BCLAF3: variants seen among roughly 807,000 people sequenced by gnomAD.
The protein encoded by BCLAF3 is BCLAF1 and THRAP3 family member 3, also known as transient octamer binding factor 1.
In BCLAF3, 24 loss-of-function variants were observed where a neutral mutation model predicts 51.2. That is an observed-to-expected ratio of 0.47 (90% CI 0.34 to 0.66). The LOEUF is 0.66. BCLAF3 is among the 30% of genes least tolerant of loss of function. The probability of loss-of-function intolerance (pLI) is 0.01; values close to 1 mark genes in which losing one functional copy is unlikely to be tolerated. For missense variants in BCLAF3, 465 were observed against 525.1 expected, an observed-to-expected ratio of 0.89 and a Z score of 1.12; for synonymous variants, 152 against 176.6, an observed-to-expected ratio of 0.86 and a Z score of 1.10.
intron 11 of BCLAF3, among the ~76,000 whole-genome samples, chrX:19,927,871 C>CTCTT (rs907635262): frequency 9.4e-6 from 1 of 106,190 alleles, no homozygotes; most frequent in Admixed American, 1.0e-4. Context: ...GCTGCATTTT[C>CTCTT]TCTTTCTTTC....
intron 8 of BCLAF3, among the ~76,000 whole-genome samples, chrX:19,940,411 A>C (rs1397879194): frequency 9.1e-6 from 1 of 110,366 alleles, no homozygotes; most frequent in Non-Finnish European, 1.9e-5. Context: ...ATATCTCCCA[A>C]TGCTATCCCT....
intron 1 of BCLAF3, among the ~76,000 whole-genome samples, chrX:19,983,915 A>T (rs764551416): frequency 1.2e-4 from 12 of 101,729 alleles, no homozygotes; most frequent in Non-Finnish European, 4.0e-5. Flanking sequence ...CTAAAAATAT[A>T]AAAAAATGTA....
Position 19,965,585 on chromosome X carries a change from G to A in BCLAF3, c.733C>T (p.Pro245Ser). ...TGGTCTGTGTCCTCTTGGTAAGGTGGGAGGGAATGCTCAGGCTTCCACTTT... is the reference window on the plus strand; with the variant it reads ...TGGTCTGTGTCCTCTTGGTAAGGTGAGAGGGAATGCTCAGGCTTCCACTTT... ...NPKWKPEHSL[P>S]PYQEDTDQWN... The change falls in exon 4 of 12, where the codon CCA (proline) becomes TCA (serine). Residue 245 changes from proline to serine, a missense_variant. Pro to Ser is a moderately conservative substitution (Grantham distance 74). Coordinates refer to ENST00000379682, the MANE Select transcript of BCLAF3 (RefSeq NM_001367774.2). The A allele has an allele frequency of 8.4e-7, 1 of 1,191,580 alleles. No individual in the cohort carries two copies. Among genetic ancestry groups the A allele is most frequent in the Non-Finnish European group, 1.1e-6 (1 of 886,974 alleles).
chrX:19,926,041 A>C (rs1324904310), intron 11 of BCLAF3, among the ~76,000 whole-genome samples: 1 of 111,821 alleles, frequency 8.9e-6, no homozygotes, highest in Non-Finnish European at 1.9e-5. Context: ...AATCTATAAA[A>C]ATTGTGGCTC....
At chrX:19,944,158 C>T (rs1289946979) in intron 8 of BCLAF3, among the ~76,000 whole-genome samples, 2 of 70,051 alleles carry the variant, frequency 2.9e-5, no homozygotes, top group African/African-American at 1.2e-4. Flanking sequence ...TATTTTGAGC[C>T]TGTGTGTGTC....
intron 4 of BCLAF3, among the ~76,000 whole-genome samples, chrX:19,960,936 G>A (rs142039663): frequency 8.9e-6 from 1 of 112,100 alleles, no homozygotes; most frequent in African/African-American, 3.2e-5. Context: ...CATGAATGCT[G>A]ATGGACAACC....
At chrX:19,940,124 T>C (rs759864582) in intron 8 of BCLAF3, among the ~76,000 whole-genome samples, 2 of 112,144 alleles carry the variant, frequency 1.8e-5, no homozygotes, top group South Asian at 3.7e-4. Context: ...ATTAAATCCT[T>C]TGATATTTGA....
intron 10 of BCLAF3, among the ~76,000 whole-genome samples, chrX:19,932,150 C>A (rs2070583682): frequency 8.9e-6 from 1 of 112,060 alleles, no homozygotes; most frequent in African/African-American, 3.2e-5. Flanking sequence ...GATATATAAA[C>A]TTTATTATCT....
rs2069882372 is a variant in BCLAF3, at chrX:19,914,445, AAG to A, written c.*2858_*2859del. 9.1e-6 allele frequency: 1 copy of A among 110,240 alleles called. No individual in the cohort carries two copies. The highest frequency in any genetic ancestry group is 3.3e-5 in the African/African-American group (1 of 30,367). The allele number at this position is 110,240 out of a possible 1,213,427, so 9.1% of individuals were successfully genotyped here. The stretch of plus-strand genomic sequence containing the variant: ...GAATTTGCTGGGTAATAAAGACAAT[AAG>A]AGTTTCTCATCCAGCTTTACTTTTC... On this transcript the variant is annotated 3_prime_UTR_variant, in exon 12 of 12. Coordinates refer to ENST00000379682, the MANE Select transcript of BCLAF3 (RefSeq NM_001367774.2).
chrX:19,975,682 G>T (rs1034241824), intron 1 of BCLAF3, among the ~76,000 whole-genome samples: 5 of 111,493 alleles, frequency 4.5e-5, no homozygotes, highest in Non-Finnish European at 9.4e-5. Flanking sequence ...GTACAGATGG[G>T]ACTCAATATG....
chrX:19,933,801 C>T (rs750458626), intron 10 of BCLAF3, among the ~76,000 whole-genome samples: 1 of 111,082 alleles, frequency 9.0e-6, no homozygotes, highest in African/African-American at 3.3e-5. Flanking sequence ...AGGGTCTCTT[C>T]ACTGTGTCGC....
chrX:19,937,462 A>C lies in BCLAF3; in HGVS notation c.1816T>G (p.Phe606Val), dbSNP rs903297554. Residue 606 changes from phenylalanine (F) to valine (V), a missense_variant, in exon 9 of 12, where the codon TTT becomes GTT. Transcript: ENST00000379682. ...CATTTTCTAAAATTTGATTTTATAA[A>C]ATGTGTGGGTTTTTGGAATCCATCA... ...HTDGFQKPTH[F>V]IKSNFRKCIE... 1.7e-6 allele frequency: 2 copies of C among 1,184,896 alleles called. No homozygotes were observed. Among genetic ancestry groups the C allele is most frequent in the Non-Finnish European group, 2.3e-6 (2 of 874,054 alleles).
At chrX:19,936,309 G>C (rs144234349) in intron 9 of BCLAF3, among the ~76,000 whole-genome samples, 176 of 111,817 alleles carry the variant, frequency 1.6e-3, no homozygotes, top group African/African-American at 5.3e-3. Flanking sequence ...GCAGGAGGCA[G>C]GTTTTCCTGA....
intron 8 of BCLAF3, among the ~76,000 whole-genome samples, chrX:19,943,569 C>T (rs1408732553): frequency 2.2e-5 from 2 of 92,882 alleles, no homozygotes; most frequent in Admixed American, 1.2e-4. Context: ...TCAGTTTCCA[C>T]GTAGTTGAGC....
At chrX:19,983,719 T>A (rs191004247) in intron 1 of BCLAF3, among the ~76,000 whole-genome samples, 1 of 104,283 alleles carries the variant, frequency 9.6e-6, no homozygotes, top group African/African-American at 3.5e-5. Context: ...AGTCTCTAAA[T>A]AAATAAGTAA....
intron 8 of BCLAF3, among the ~76,000 whole-genome samples, chrX:19,938,552 C>T (rs369196381): frequency 2.1e-4 from 23 of 112,128 alleles, no homozygotes; most frequent in African/African-American, 6.5e-4. Flanking sequence ...CACGCCATCA[C>T]ACCCCGCTAA....
At chrX:19,925,183 A>T (rs1405298322) in intron 11 of BCLAF3, among the ~76,000 whole-genome samples, 1 of 111,164 alleles carries the variant, frequency 9.0e-6, no homozygotes, top group Non-Finnish European at 1.9e-5. Context: ...GAAGCAGAGG[A>T]TGTATTAGGA....
At chrX:19,941,001 T>G (rs1427796500) in intron 8 of BCLAF3, among the ~76,000 whole-genome samples, 9 of 110,794 alleles carry the variant, frequency 8.1e-5, no homozygotes, top group Non-Finnish European at 1.7e-4. Flanking sequence ...TGGTTTTGAT[T>G]TGCATTTCTC....
At chrX:19,972,891 T>C (rs1007317569) in intron 1 of BCLAF3, among the ~76,000 whole-genome samples, 1 of 112,329 alleles carries the variant, frequency 8.9e-6, no homozygotes, top group Non-Finnish European at 1.9e-5. Flanking sequence ...TCCATGCACA[T>C]TTGGGTTGTT....
Sources: gnomAD v4.1 joint callset for allele counts (sites outside exome capture counted in the v4.1 genomes callset) on GRCh38, gnomAD v4.1.1 for gene constraint, MANE v1.5 for transcripts, NCBI Gene and HGNC (gene_info 2026-07-23, HGNC 2026-07-21) for gene names.